The following DAZL variants were observed in gnomAD, a reference collection of about 807,000 sequenced individuals.
The protein encoded by DAZL is deleted in azoospermia-like.
In DAZL, 4 loss-of-function variants were observed where a neutral mutation model predicts 45.0. The ratio of observed to expected loss-of-function variants is 0.09; its 90% CI spans 0.04 to 0.20. DAZL has a LOEUF of 0.20. Among genes scored for constraint, DAZL ranks in the 10% least tolerant of loss-of-function variants. The probability of loss-of-function intolerance (pLI) is 1.00; values close to 1 mark genes in which losing one functional copy is unlikely to be tolerated. For synonymous variants in DAZL, 122 were observed against 112.4 expected, an observed-to-expected ratio of 1.09 and a Z score of -0.54; for missense variants, 326 against 351.3, an observed-to-expected ratio of 0.93 and a Z score of 0.58.
chr3:16,594,525 C>T lies in DAZL; in HGVS notation c.621+8G>A, dbSNP rs201874291. On this transcript the variant is annotated splice_region_variant and intron_variant, in intron 8 of 10. Coordinates refer to ENST00000399444, the MANE Select transcript of DAZL (RefSeq NM_001351.4). ...ACAGGAATTATATGTTTGGCTAATT[C>T]ACTTTACCGGAGGTACAACATAGCT... The T allele has an allele frequency of 6.3e-7, 1 of 1,579,944 alleles. No individual in the cohort carries two copies. Among genetic ancestry groups the T allele is most frequent in the East Asian group, 2.3e-5 (1 of 44,344 alleles).
chr3:16,588,749 A>G (rs1166050924), intron 10 of DAZL, 36 bp from the exon 11 acceptor site: 2 of 1,556,976 alleles, frequency 1.3e-6, no homozygotes, highest in Non-Finnish European at 1.8e-6. Flanking sequence ...TACTTTACTG[A>G]AAATTTCTGA....
At chr3:16,601,536 T>C (rs942736347) in intron 1 of DAZL, among the ~76,000 whole-genome samples, 3 of 150,980 alleles carry the variant, frequency 2.0e-5, no homozygotes, top group African/African-American at 7.5e-5. Context: ...TTATACATAA[T>C]TATAATGTAT....
Position 16,605,206 on chromosome 3 carries a change from G to GATGGC in DAZL, c.-6_-2dup. The GATGGC allele has an allele frequency of 6.2e-7, 1 of 1,614,190 alleles. No individual in the cohort carries two copies. The highest frequency in any genetic ancestry group is 8.5e-7 in the Non-Finnish European group (1 of 1,179,998). ...TCGGGCCTCTCCCTCAACTCACCAT[G>GATGGC]ATGGCGGCAGGCAGCAGTTCCCGAC... On this transcript the variant is annotated 5_prime_UTR_variant, in exon 1 of 11. In the 5' UTR this introduces an upstream ATG that the reference lacks. Coordinates refer to ENST00000399444, the MANE Select transcript of DAZL (RefSeq NM_001351.4).
In DAZL at chr3:16,594,467, A is replaced by G. The variant is rs559904814; in HGVS notation, c.621+66T>C. On this transcript the variant is annotated intron_variant, in intron 8 of 10. Coordinates refer to ENST00000399444, the MANE Select transcript of DAZL (RefSeq NM_001351.4). ...ATATGACATGGAAAACAATCAAGAA[A>G]TATAGTTAAACAAAAAAAAATACTT... 2.1e-5 allele frequency: 25 copies of G among 1,200,118 alleles called. No individual in the cohort carries two copies. In the Admixed American group the frequency reaches 4.1e-4, roughly 19 times the overall value. The allele number at this position is 1,200,118 out of a possible 1,614,324, so 74.3% of individuals were successfully genotyped here. A position where few individuals can be genotyped will look rare whatever the true frequency, so the allele number is the denominator to read the frequency against.
rs573474830 is a variant in DAZL at position 16,588,546 on chromosome 3, T to C, written c.*114A>G. 138 of 813,154 alleles carry C rather than the reference T, an allele frequency of 1.7e-4. 1 individual carries two copies. Among genetic ancestry groups the C allele is most frequent in the South Asian group, 1.7e-3 (124 of 74,060 alleles). The allele number at this position is 813,154 out of a possible 1,614,324, so 50.4% of individuals were successfully genotyped here. A position where few individuals can be genotyped will look rare whatever the true frequency, so the allele number is the denominator to read the frequency against. ...CTAGAGAGTCTAATAATACAACTTA[T>C]ACACAAAGTTTGAGTGTGATTTACC... On this transcript the variant is annotated 3_prime_UTR_variant, in exon 11 of 11. Coordinates refer to ENST00000399444, the MANE Select transcript of DAZL (RefSeq NM_001351.4).
At chr3:16,604,607 T>G in intron 1 of DAZL, 1 of 1,381,462 alleles carries the variant, frequency 7.2e-7, no homozygotes, top group Non-Finnish European at 9.3e-7. Flanking sequence ...CACCCCACGC[T>G]GAGGCCCCCA....
chr3:16,598,724 C>A, intron 1 of DAZL, 126 bp from the exon 2 acceptor site: 1 of 1,121,042 alleles, frequency 8.9e-7, no homozygotes. Flanking sequence ...TAAGTTAGTT[C>A]AGGCTCAGGA....
Position 16,605,408 on chromosome 3 carries a change from G to A in DAZL, c.-203C>T, listed in dbSNP as rs1238892207. On this transcript the variant is annotated 5_prime_UTR_variant, in exon 1 of 11. Transcript: ENST00000399444. ...CCCGAAAGGCGGACCGTCAGGCTGA[G>A]GAGCGCAGGCGGACTGAGGCGTGGT... 4 of 672,214 alleles carry A rather than the reference G, an allele frequency of 6.0e-6. No individual in the cohort carries two copies. Among genetic ancestry groups the A allele is most frequent in the South Asian group, 1.7e-5 (1 of 58,110 alleles). The allele number at this position is 672,214 out of a possible 1,614,324, so 41.6% of individuals were successfully genotyped here.
intron 1 of DAZL, chr3:16,604,893 G>T: frequency 2.8e-6 from 2 of 708,696 alleles, no homozygotes; most frequent in Non-Finnish European, 4.5e-6. Flanking sequence ...TGCCAGTAGA[G>T]AACCCGAACC....
chr3:16,594,630 A>T, intron 7 of DAZL, 47 bp from the exon 8 acceptor site: 2 of 1,425,256 alleles, frequency 1.4e-6, no homozygotes. Flanking sequence ...ATATTCCTAC[A>T]AATTTTCAAA....
In DAZL at chr3:16,605,315, C is replaced by G; in HGVS notation, c.-110G>C. ...TCCGCTGGAACCCGCTGCGCGGCTT[C>G]GAGTGGTCAAAGGAGCCAAAGATGA... is the stretch of plus-strand genomic sequence containing the variant. On this transcript the variant is annotated 5_prime_UTR_variant, in exon 1 of 11. Coordinates refer to ENST00000399444, the MANE Select transcript of DAZL (RefSeq NM_001351.4). The G allele has an allele frequency of 7.3e-7, 1 of 1,375,200 alleles. No homozygotes were observed. The highest frequency in any genetic ancestry group is 1.0e-6 in the Non-Finnish European group (1 of 962,794). 85.2% of individuals were successfully genotyped at this position (1,375,200 alleles called of 1,614,324 possible). A position where few individuals can be genotyped will look rare whatever the true frequency, so the allele number is the denominator to read the frequency against.
In DAZL at chr3:16,605,335, A is replaced by T; in HGVS notation, c.-130T>A. 4.4e-6 allele frequency: 5 copies of T among 1,148,932 alleles called. No individual in the cohort carries two copies. Among genetic ancestry groups the T allele is most frequent in the Non-Finnish European group, 6.6e-6 (5 of 758,098 alleles). 71.2% of individuals were successfully genotyped at this position (1,148,932 alleles called of 1,614,324 possible). A position where few individuals can be genotyped will look rare whatever the true frequency, so the allele number is the denominator to read the frequency against. On this transcript the variant is annotated 5_prime_UTR_variant, in exon 1 of 11. Transcript: ENST00000399444. ...GGCTTCGAGTGGTCAAAGGAGCCAA[A>T]GATGAAGAGAAAAGGAAAACCAAGA...
chr3:16,605,379 G>A lies in DAZL; in HGVS notation c.-174C>T. The stretch of plus-strand genomic sequence containing the variant: ...ACCAAGAGCGGGTGACAAGGCTGAG[G>A]AGCCCCGAAAGGCGGACCGTCAGGC... On this transcript the variant is annotated 5_prime_UTR_variant, in exon 1 of 11. Coordinates refer to ENST00000399444, the MANE Select transcript of DAZL (RefSeq NM_001351.4). 1 of 791,618 alleles carries A rather than the reference G, an allele frequency of 1.3e-6. No homozygotes were observed. Among genetic ancestry groups the A allele is most frequent in the Non-Finnish European group, 2.2e-6 (1 of 463,188 alleles). The allele number at this position is 791,618 out of a possible 1,614,324, so 49.0% of individuals were successfully genotyped here. A position where few individuals can be genotyped will look rare whatever the true frequency, so the allele number is the denominator to read the frequency against.
At chr3:16,604,729 T>C (rs1694748503) in intron 1 of DAZL, 72 of 1,354,950 alleles carry the variant, frequency 5.3e-5, no homozygotes, top group Non-Finnish European at 6.7e-5. Context: ...CGCCGCCATC[T>C]TGCGGAGCCA....
chr3:16,603,439 C>T (rs1269574872), intron 1 of DAZL, among the ~76,000 whole-genome samples: 1 of 151,936 alleles, frequency 6.6e-6, no homozygotes, highest in East Asian at 1.9e-4. Flanking sequence ...ACCTGCCTCA[C>T]AGGTTCAAGT....
At chr3:16,595,263 A>T (rs1391989275) in intron 7 of DAZL, 51 bp downstream of exon 7, 1 of 1,028,208 alleles carries the variant, frequency 9.7e-7, no homozygotes, top group South Asian at 1.6e-5. Flanking sequence ...AAACAAGTTA[A>T]AGGCCTCAAT....
chr3:16,604,258 G>C (rs1205739540), intron 1 of DAZL, among the ~76,000 whole-genome samples: 1 of 152,164 alleles, frequency 6.6e-6, no homozygotes, highest in Non-Finnish European at 1.5e-5. Flanking sequence ...TGCGTGTTCA[G>C]AGCTGCATCT....
rs1163130804 is a variant in DAZL at position 16,587,446 on chromosome 3, A to G, written c.*1214T>C. 1.3e-5 allele frequency: 2 copies of G among 152,560 alleles called. No individual in the cohort carries two copies. The highest frequency in any genetic ancestry group is 4.8e-5 in the African/African-American group (2 of 41,420). The allele number at this position is 152,560 out of a possible 1,614,324, so 9.5% of individuals were successfully genotyped here. Reference sequence around the variant, plus strand: ...CTTGAACTGCTCTGCTCATACAGCTACTTTCATTCTTTATATCACCAGTTC... The same window carrying G: ...CTTGAACTGCTCTGCTCATACAGCTGCTTTCATTCTTTATATCACCAGTTC... On this transcript the variant is annotated 3_prime_UTR_variant, in exon 11 of 11. Transcript: ENST00000399444.
chr3:16,604,961 G>A (rs543578994), intron 1 of DAZL, among the ~76,000 whole-genome samples: 1 of 152,344 alleles, frequency 6.6e-6, no homozygotes, highest in South Asian at 2.1e-4. Context: ...GAGGCAGCGC[G>A]TCCTCGGGGC....
Sources: allele counts gnomAD v4.1 joint callset (sites outside exome capture counted in the v4.1 genomes callset), GRCh38; gene constraint gnomAD v4.1.1; transcripts MANE v1.5; gene names NCBI Gene and HGNC (gene_info 2026-07-23, HGNC 2026-07-21).